Variants in DNAH7 observed in about 807,000 individuals in gnomAD.
The protein encoded by DNAH7 is axonemal beta dynein heavy chain 7.
A neutral mutation model predicts 444.6 loss-of-function variants in DNAH7; 397 were observed. The ratio of observed to expected loss-of-function variants is 0.89; its 90% CI spans 0.82 to 0.97. DNAH7 has a LOEUF of 0.97. DNAH7 is among the 50% of genes least tolerant of loss of function. DNAH7 has a pLI of 0.00. For synonymous variants in DNAH7, 1,636 were observed against 1,624.4 expected, an observed-to-expected ratio of 1.01 and a Z score of -0.17; for missense variants, 4,902 against 4,800.8, an observed-to-expected ratio of 1.02 and a Z score of -0.62.
chr2:195,777,334 T>C (rs1220676797), intron 59 of DNAH7, among the ~76,000 whole-genome samples: 1 of 152,212 alleles, frequency 6.6e-6, no homozygotes, highest in African/African-American at 2.4e-5. Context: ...GGGCAAATTA[T>C]TCTACTGTAA....
At chr2:196,052,129 T>C (rs551084693) in intron 2 of DNAH7, among the ~76,000 whole-genome samples, 8 of 152,306 alleles carry the variant, frequency 5.3e-5, no homozygotes, top group African/African-American at 1.9e-4. Context: ...CAGTAGGTGG[T>C]TTTCACCTCC....
chr2:195,751,717 T>C (rs1296204750), intron 63 of DNAH7, among the ~76,000 whole-genome samples: 1 of 152,148 alleles, frequency 6.6e-6, no homozygotes, highest in East Asian at 1.9e-4. Flanking sequence ...CTGAGCATAG[T>C]GGCACATGAT....
intron 48 of DNAH7, among the ~76,000 whole-genome samples, chr2:195,828,425 A>G (rs1697889788): frequency 6.6e-6 from 1 of 151,342 alleles, no homozygotes; most frequent in Admixed American, 6.6e-5. Context: ...TCTACTAAAA[A>G]TACAAAAAAA....
At chr2:196,028,831 G>T (rs1695854801) in intron 5 of DNAH7, among the ~76,000 whole-genome samples, 1 of 152,168 alleles carries the variant, frequency 6.6e-6, no homozygotes, top group African/African-American at 2.4e-5. Flanking sequence ...CCAGTGAGGG[G>T]AGACTCGAGG....
chr2:195,808,520 A>G (rs2124851555), intron 53 of DNAH7, among the ~76,000 whole-genome samples, 162 bp downstream of exon 53: 1 of 152,366 alleles, frequency 6.6e-6, no homozygotes, highest in East Asian at 1.9e-4. Flanking sequence ...AAGTTCAAAC[A>G]GAACCACTGA....
At chr2:195,776,369 G>C (rs1695060621) in intron 59 of DNAH7, among the ~76,000 whole-genome samples, 1 of 152,050 alleles carries the variant, frequency 6.6e-6, no homozygotes, top group East Asian at 1.9e-4. Flanking sequence ...CTTGAACCCA[G>C]GAGACAGAAG....
chr2:196,063,599 T>C (rs1019642188), intron 1 of DNAH7: 2 of 152,290 alleles, frequency 1.3e-5, no homozygotes, highest in African/African-American at 4.8e-5. Flanking sequence ...TTTAGCTTTC[T>C]TCACAACTGA....
At chr2:195,923,305 A>G (rs1688134086) in intron 23 of DNAH7, among the ~76,000 whole-genome samples, 1 of 152,226 alleles carries the variant, frequency 6.6e-6, no homozygotes, top group South Asian at 2.1e-4. Context: ...CAACTCATTT[A>G]AAATGAGTAA....
chr2:196,041,270 A>G (rs1696742161), intron 5 of DNAH7, among the ~76,000 whole-genome samples: 1 of 152,026 alleles, frequency 6.6e-6, no homozygotes, highest in South Asian at 2.1e-4. Flanking sequence ...CAACAACAAA[A>G]AGACCAAAAA....
At chr2:195,965,199 T>C (rs1010178039) in intron 17 of DNAH7, among the ~76,000 whole-genome samples, 2 of 152,220 alleles carry the variant, frequency 1.3e-5, no homozygotes, top group Non-Finnish European at 2.9e-5. Flanking sequence ...TTTTGTTATA[T>C]GCTTTTTCAG....
chr2:196,028,908 T>C (rs890195835), intron 5 of DNAH7, among the ~76,000 whole-genome samples: 8 of 152,222 alleles, frequency 5.3e-5, no homozygotes, highest in African/African-American at 1.9e-4. Context: ...AACTTATTTA[T>C]CTTTTGCAAA....
chr2:195,796,796 T>C (rs930698176), intron 55 of DNAH7, 59 bp from the exon 56 acceptor site: 1 of 1,533,968 alleles, frequency 6.5e-7, no homozygotes, highest in Non-Finnish European at 8.8e-7. Context: ...ACATCAATAT[T>C]GTTTTTTTAA....
chr2:195,782,204 G>A (rs7582346), intron 58 of DNAH7, among the ~76,000 whole-genome samples: 2,768 of 151,828 alleles, frequency 0.018, 81 homozygotes, highest in African/African-American at 0.063. Context: ...TTCATTTATC[G>A]AATACCTCTT....
At chr2:196,029,393 G>GCC (rs1695894670) in intron 5 of DNAH7, among the ~76,000 whole-genome samples, 1 of 152,036 alleles carries the variant, frequency 6.6e-6, no homozygotes, top group African/African-American at 2.4e-5. Flanking sequence ...GGTGGGTGAG[G>GCC]AGGTAGAAGG....
rs532655291 is a variant in DNAH7 at position 195,808,814 on chromosome 2, G to A, written c.9951C>T (p.Ala3317=). 2 of 1,613,922 alleles carry A rather than the reference G, an allele frequency of 1.2e-6. No homozygotes were observed. The highest frequency in any genetic ancestry group is 1.1e-5 in the South Asian group (1 of 91,072). The change falls in exon 53 of 65, where the codon GCC becomes GCT. Residue 3317 remains alanine (A), a synonymous_variant. Coordinates refer to ENST00000312428, the MANE Select transcript of DNAH7 (RefSeq NM_018897.3). ...TCTGAGGAAGCCATGTACAAAGGTT[G>A]GCATAAGGATTATCCAGTCCAATGC... ...TGGIGLDNPY[A]NLCTWLPQKS... is the part of the protein sequence containing the mutation.
Position 195,796,530 on chromosome 2 carries a change from T to A in DNAH7, c.10515+46A>T, listed in dbSNP as rs779940420. The stretch of plus-strand genomic sequence containing the variant: ...CCCGAATGTTATGTATATTACTAAT[T>A]AGATCCAGGGAATGCAATCTAATAA... On this transcript the variant is annotated intron_variant, in intron 56 of 64. Coordinates refer to ENST00000312428, the MANE Select transcript of DNAH7 (RefSeq NM_018897.3). 6.2e-6 allele frequency: 10 copies of A among 1,603,560 alleles called. No individual in the cohort carries two copies. In the South Asian group the frequency reaches 1.0e-4, roughly 16 times the overall value.
At chr2:195,771,221 T>G (rs1365795859) in intron 61 of DNAH7, among the ~76,000 whole-genome samples, 1 of 152,018 alleles carries the variant, frequency 6.6e-6, no homozygotes. Flanking sequence ...ACACCTCTAA[T>G]CTAAGCTACT....
intron 54 of DNAH7, among the ~76,000 whole-genome samples, chr2:195,801,128 T>C (rs750570751): frequency 3.3e-5 from 5 of 152,298 alleles, no homozygotes; most frequent in Non-Finnish European, 5.9e-5. Context: ...GCCATGCTTC[T>C]TGCACTTTCC....
chr2:195,841,322 T>C (rs1370796948), intron 47 of DNAH7, among the ~76,000 whole-genome samples: 1 of 151,840 alleles, frequency 6.6e-6, no homozygotes, highest in Non-Finnish European at 1.5e-5. Flanking sequence ...AACAAATCTT[T>C]TGTTGTTCCA....
Sources: gnomAD v4.1 joint callset for allele counts (sites outside exome capture counted in the v4.1 genomes callset) on GRCh38, gnomAD v4.1.1 for gene constraint, MANE v1.5 for transcripts, NCBI Gene and HGNC (gene_info 2026-07-23, HGNC 2026-07-21) for gene names.